Variants in CYP20A1 observed in about 807,000 individuals in gnomAD.
The protein encoded by CYP20A1 is cytochrome P450 20A1.
A neutral mutation model predicts 61.4 loss-of-function variants in CYP20A1; 61 were observed. The observed-to-expected ratio is 0.99, with a 90% confidence interval of 0.81 to 1.23. The LOEUF is 1.23. CYP20A1 is among the 50% of genes most tolerant of loss of function. The probability of loss-of-function intolerance (pLI) is 0.00; values close to 1 mark genes in which losing one functional copy is unlikely to be tolerated. For missense variants in CYP20A1, 530 were observed against 542.4 expected, an observed-to-expected ratio of 0.98 and a Z score of 0.23; for synonymous variants, 193 against 188.2, an observed-to-expected ratio of 1.03 and a Z score of -0.21.
At chr2:203,284,370 T>C (rs1441649541) in intron 8 of CYP20A1, among the ~76,000 whole-genome samples, 2 of 152,132 alleles carry the variant, frequency 1.3e-5, no homozygotes, top group Non-Finnish European at 2.9e-5. Context: ...GTAGTATATA[T>C]GTTCAGAAGT....
rs1387202116 is a variant in CYP20A1 at position 203,266,544 on chromosome 2, T to C, written c.463T>C (p.Ser155Pro). 6.2e-7 allele frequency: 1 copy of C among 1,614,154 alleles called. No homozygotes were observed. The highest frequency in any genetic ancestry group is 1.7e-5 in the Admixed American group (1 of 60,012). The change falls in exon 5 of 13, where the codon TCC (serine) becomes CCC (proline). Residue 155 changes from serine (S) to proline (P), a missense_variant. Physicochemically the swap from Ser to Pro is moderately conservative, Grantham distance 74 (BLOSUM62 -1). Coordinates refer to ENST00000356079, the MANE Select transcript of CYP20A1 (RefSeq NM_177538.3). The part of the protein sequence containing the change: ...LSEELLDKWL[S>P]YPETQHVPLS... ...AGAAGAATTATTAGATAAATGGCTC[T>C]CCTACCCAGAGACCCAGCACGTGCC...
intron 3 of CYP20A1, among the ~76,000 whole-genome samples, 163 bp from the exon 4 acceptor site, chr2:203,251,804 T>TATATATATATGTGTAC (rs1443435617): frequency 2.4e-5 from 2 of 84,656 alleles, no homozygotes; most frequent in African/African-American, 1.1e-4. Flanking sequence ...TATATATATA[T>TATATATATATGTGTAC]ATATATATAT....
intron 3 of CYP20A1, 26 bp downstream of exon 3, chr2:203,246,947 C>T (rs1214320632): frequency 6.2e-7 from 1 of 1,605,496 alleles, no homozygotes; most frequent in South Asian, 1.1e-5. Flanking sequence ...TTTCTAATTA[C>T]CTGATCCTTA....
Position 203,250,547 on chromosome 2 carries a change from A to G in CYP20A1, c.290-1420A>G, listed in dbSNP as rs920280475. ...AAAAAAGATTGTGCTTTTAATTACTAGGCTTTATACAACATGAAAAGATGG... is the reference window on the plus strand; with the variant it reads ...AAAAAAGATTGTGCTTTTAATTACTGGGCTTTATACAACATGAAAAGATGG... On this transcript the variant is annotated intron_variant, in intron 3 of 12. Transcript: ENST00000356079. 1.5e-4 allele frequency among the ~76,000 whole-genome samples: 23 copies of G among 152,182 alleles called. 1 individual carries two copies. The highest frequency in any genetic ancestry group is 3.4e-4 in the African/African-American group (14 of 41,452).
intron 8 of CYP20A1, among the ~76,000 whole-genome samples, chr2:203,283,175 T>TA (rs1193929602): frequency 5.9e-5 from 8 of 135,404 alleles, no homozygotes; most frequent in East Asian, 2.3e-4. Context: ...TGACCCTATC[T>TA]AAAAAAAAAC....
In CYP20A1 at chr2:203,251,968, G is replaced by A. The variant is rs1480039443; in HGVS notation, c.291G>A (p.Ser97=). The part of the protein sequence containing the change: ...LKQHINPNKT[S]DPFETMLKSL... ...AAATATTTAATTTGTCTGTTTCAGC[G>A]GACCCTTTTGAAACCATGCTGAAGT... Residue 97 remains serine (S), a splice_region_variant and synonymous_variant, in exon 4 of 13, where the codon TCG becomes TCA. Coordinates refer to ENST00000356079, the MANE Select transcript of CYP20A1 (RefSeq NM_177538.3). The A allele has an allele frequency of 3.9e-6, 6 of 1,551,368 alleles. No homozygotes were observed. The African/African-American group carries it at 4.1e-5, about 11-fold the overall frequency.
Position 203,245,914 on chromosome 2 carries a change from G to T in CYP20A1, c.122+19G>T. On this transcript the variant is annotated intron_variant, in intron 2 of 12. Coordinates refer to ENST00000356079, the MANE Select transcript of CYP20A1 (RefSeq NM_177538.3). ...AAGAAAAGTGAGTAATTATTTTCTT[G>T]GAATTAAGTAGAGTTAATTCTTCAT... 6.6e-7 allele frequency: 1 copy of T among 1,504,058 alleles called. No individual in the cohort carries two copies. The highest frequency in any genetic ancestry group is 1.2e-5 in the South Asian group (1 of 86,178). 93.2% of individuals were successfully genotyped at this position (1,504,058 alleles called of 1,614,324 possible).
intron 2 of CYP20A1, among the ~76,000 whole-genome samples, chr2:203,246,116 A>C (rs1162348499): frequency 1.3e-5 from 2 of 152,230 alleles, no homozygotes; most frequent in Non-Finnish European, 1.5e-5. Context: ...TAAAAAAAAT[A>C]AATAAGTAAA....
intron 6 of CYP20A1, among the ~76,000 whole-genome samples, chr2:203,275,830 G>A (rs2067797773): frequency 6.6e-6 from 1 of 151,658 alleles, no homozygotes; most frequent in African/African-American, 2.4e-5. Context: ...GCATGTTTTA[G>A]ATGCTGAGGA....
At chr2:203,293,930 G>C (rs1379683921) in intron 11 of CYP20A1, among the ~76,000 whole-genome samples, 1 of 151,832 alleles carries the variant, frequency 6.6e-6, no homozygotes, top group East Asian at 1.9e-4. Context: ...AAATTCTATA[G>C]AACAAAAAAT....
At chr2:203,262,399 G>C (rs1314439064) in intron 4 of CYP20A1, among the ~76,000 whole-genome samples, 1 of 152,154 alleles carries the variant, frequency 6.6e-6, no homozygotes, top group East Asian at 1.9e-4. Context: ...TGAATTTATA[G>C]GTCGGGGCAA....
Position 203,300,006 on chromosome 2 carries a change from TAGA to T in CYP20A1, c.*3101_*3103del, listed in dbSNP as rs372508425. ...CCTCGAATGGGTTGGAAACTGGCGGTAGAAGGTTAGAGTAGCCAATTGATATGT... is the reference window on the plus strand; with the variant it reads ...CCTCGAATGGGTTGGAAACTGGCGGTAGGTTAGAGTAGCCAATTGATATGT... On this transcript the variant is annotated 3_prime_UTR_variant, in exon 13 of 13. Coordinates refer to ENST00000356079, the MANE Select transcript of CYP20A1 (RefSeq NM_177538.3). Among the ~76,000 whole-genome samples the T allele has an allele frequency of 2.0e-5, 3 of 152,248 alleles. No individual in the cohort carries two copies. Among genetic ancestry groups the T allele is most frequent in the African/African-American group, 4.8e-5 (2 of 41,554 alleles).
chr2:203,287,997 T>C (rs1307260973), intron 9 of CYP20A1, among the ~76,000 whole-genome samples: 1 of 151,314 alleles, frequency 6.6e-6, no homozygotes, highest in African/African-American at 2.4e-5. Flanking sequence ...AGTTTTTCTT[T>C]TCTTTTTTTT....
chr2:203,260,494 TTA>T, intron 4 of CYP20A1, among the ~76,000 whole-genome samples: 1 of 152,184 alleles, frequency 6.6e-6, no homozygotes, highest in African/African-American at 2.4e-5. Flanking sequence ...AATGCTGGGA[TTA>T]CAGGCGTGAG....
chr2:203,287,215 CAAAA>C (rs1168549640), intron 9 of CYP20A1, among the ~76,000 whole-genome samples: 5 of 47,070 alleles, frequency 1.1e-4, no homozygotes, highest in Non-Finnish European at 1.5e-4. Flanking sequence ...GACCCTATCT[CAAAA>C]AAAAAAAAAA....
intron 4 of CYP20A1, among the ~76,000 whole-genome samples, chr2:203,253,890 T>C (rs1010427586): frequency 1.3e-5 from 2 of 152,044 alleles, no homozygotes; most frequent in African/African-American, 4.8e-5. Context: ...GACAGTGTTA[T>C]CTTATAACTG....
Position 203,239,108 on chromosome 2 carries a change from G to A in CYP20A1, c.46G>A (p.Val16Met). 1 of 1,613,572 alleles carries A rather than the reference G, an allele frequency of 6.2e-7. No homozygotes were observed. The highest frequency in any genetic ancestry group is 8.5e-7 in the Non-Finnish European group (1 of 1,179,800). Residue 16 changes from valine (V) to methionine (M), a missense_variant, in exon 1 of 13, where the codon GTG becomes ATG. Coordinates refer to ENST00000356079, the MANE Select transcript of CYP20A1 (RefSeq NM_177538.3). Reference protein sequence around the residue: ...IFAVTFLLALVGAVLYLYPAS... With the variant: ...IFAVTFLLALMGAVLYLYPAS... ...CGCCGTTACCTTCTTGCTGGCGTTG[G>A]TGGGAGCCGTGCTCTACCTCTATCC...
rs1327400947 is a variant in CYP20A1, at chr2:203,296,583, A to C, written c.1238+20A>C. The C allele has an allele frequency of 7.7e-6, 12 of 1,566,836 alleles. No homozygotes were observed. Among genetic ancestry groups the C allele is most frequent in the East Asian group, 2.3e-5 (1 of 44,326 alleles). On this transcript the variant is annotated intron_variant, in intron 12 of 12. Coordinates refer to ENST00000356079, the MANE Select transcript of CYP20A1 (RefSeq NM_177538.3). ...GTTGAGGTGAATAATAGAATGCCAGACTCTGTTCTTAGAATTTTGATGATC... is the reference window on the plus strand; with the variant it reads ...GTTGAGGTGAATAATAGAATGCCAGCCTCTGTTCTTAGAATTTTGATGATC...
intron 9 of CYP20A1, among the ~76,000 whole-genome samples, chr2:203,287,961 G>GT (rs1158800560): frequency 2.3e-5 from 3 of 128,580 alleles, no homozygotes; most frequent in Non-Finnish European, 3.3e-5. Flanking sequence ...GGGGTGGAGT[G>GT]TTTTTTTATC....
Sources: allele counts gnomAD v4.1 joint callset (sites outside exome capture counted in the v4.1 genomes callset), GRCh38; gene constraint gnomAD v4.1.1; transcripts MANE v1.5; gene names NCBI Gene and HGNC (gene_info 2026-07-23, HGNC 2026-07-21).